Variants in CDK5RAP1 observed in about 807,000 individuals in gnomAD.
CDK5RAP1 encodes CDK5RAP1 mitochondrial tRNA methylthiotransferase.
CDK5RAP1 carries 62 observed loss-of-function variants against 64.5 expected under a neutral mutation model. That is an observed-to-expected ratio of 0.96 (90% CI 0.78 to 1.19). CDK5RAP1 has a LOEUF of 1.19. Ranked by LOEUF, CDK5RAP1 falls within the 50% of genes most tolerant of loss-of-function variation. The probability of loss-of-function intolerance (pLI) is 0.00; values close to 1 mark genes in which losing one functional copy is unlikely to be tolerated. For synonymous variants in CDK5RAP1, 250 were observed against 261.9 expected, an observed-to-expected ratio of 0.95 and a Z score of 0.44; for missense variants, 657 against 735.0, an observed-to-expected ratio of 0.89 and a Z score of 1.23.
intron 4 of CDK5RAP1, among the ~76,000 whole-genome samples, chr20:33,392,671 C>A (rs1206943787): frequency 6.6e-6 from 1 of 151,964 alleles, no homozygotes; most frequent in Admixed American, 6.6e-5. Flanking sequence ...CTATAATTTA[C>A]CTTTCCTAAA....
chr20:33,386,769 T>C (rs575960981), intron 6 of CDK5RAP1, among the ~76,000 whole-genome samples: 28 of 121,816 alleles, frequency 2.3e-4, no homozygotes, highest in African/African-American at 7.7e-4. Flanking sequence ...TTGACAAACT[T>C]TTCTGTAAAA....
chr20:33,361,558 G>A (rs377312164), intron 12 of CDK5RAP1, among the ~76,000 whole-genome samples: 10 of 152,160 alleles, frequency 6.6e-5, no homozygotes, highest in Non-Finnish European at 1.2e-4. Flanking sequence ...ATAAGTTCTT[G>A]GAGGGTGGAA....
chr20:33,384,690 C>T (rs1987190075), intron 7 of CDK5RAP1, among the ~76,000 whole-genome samples: 1 of 151,994 alleles, frequency 6.6e-6, no homozygotes, highest in Non-Finnish European at 1.5e-5. Flanking sequence ...TTACTTGATC[C>T]CAGGAGTTCT....
rs1454835648 is a variant in CDK5RAP1, at chr20:33,385,759, C to G, written c.767G>C (p.Arg256Pro). ...SATSAFVSIM[R>P]GCDNMCSYCI... ...GTAGCTACACATGTTGTCACAGCCT[C>G]GCATGATTGACCTGGAGAAGAAAGT... The change falls in exon 7 of 14, where the codon CGA becomes CCA. Residue 256 changes from arginine (R) to proline (P), a missense_variant. Coordinates refer to ENST00000346416, the MANE Select transcript of CDK5RAP1 (RefSeq NM_016408.4). 4.3e-6 allele frequency: 7 copies of G among 1,612,480 alleles called. No individual in the cohort carries two copies. The highest frequency in any genetic ancestry group is 5.9e-6 in the Non-Finnish European group (7 of 1,179,402).
intron 12 of CDK5RAP1, among the ~76,000 whole-genome samples, chr20:33,363,379 G>T (rs1372690055): frequency 2.0e-5 from 3 of 152,120 alleles, no homozygotes; most frequent in Non-Finnish European, 4.4e-5. Flanking sequence ...AGGATTAGAT[G>T]GTAGTAATCT....
chr20:33,382,635 C>T lies in CDK5RAP1; in HGVS notation c.877-2944G>A, dbSNP rs539444978. Among the ~76,000 whole-genome samples the T allele has an allele frequency of 7.2e-5, 11 of 152,078 alleles. No homozygotes were observed. In the South Asian group the frequency reaches 8.3e-4, roughly 11 times the overall value. On this transcript the variant is annotated intron_variant, in intron 7 of 13. Transcript: ENST00000346416. The stretch of plus-strand genomic sequence containing the variant: ...GGTGGAGGTTGCAGTGAGCTGAGAT[C>T]GTGCCATTGCACTCCAGCATGGGCA...
intron 12 of CDK5RAP1, 66 bp from the exon 13 acceptor site, chr20:33,360,557 T>A: frequency 6.9e-7 from 1 of 1,447,244 alleles, no homozygotes; most frequent in Non-Finnish European, 9.4e-7. Flanking sequence ...GGGTAGAAAC[T>A]GTGCCTTCTC....
chr20:33,371,179 G>C (rs1258439335), intron 10 of CDK5RAP1, among the ~76,000 whole-genome samples: 1 of 152,148 alleles, frequency 6.6e-6, no homozygotes, highest in Non-Finnish European at 1.5e-5. Context: ...TGTAGTCCCA[G>C]CTACTCAGGA....
Position 33,358,965 on chromosome 20 carries a change from T to C in CDK5RAP1, c.*78A>G, listed in dbSNP as rs1982404738. 2 of 1,050,062 alleles carry C rather than the reference T, an allele frequency of 1.9e-6. No individual in the cohort carries two copies. Among genetic ancestry groups the C allele is most frequent in the Non-Finnish European group, 2.9e-6 (2 of 682,114 alleles). The allele number at this position is 1,050,062 out of a possible 1,614,324, so 65.0% of individuals were successfully genotyped here. On this transcript the variant is annotated 3_prime_UTR_variant, in exon 14 of 14. Transcript: ENST00000346416. ...AGCTTATCTCCACCTTCATGACCTG[T>C]TTCCTCAGTGGCAGGCAATGTCTCC...
chr20:33,368,344 G>A (rs1448050900), intron 11 of CDK5RAP1, among the ~76,000 whole-genome samples: 1 of 151,820 alleles, frequency 6.6e-6, no homozygotes, highest in East Asian at 1.9e-4. Context: ...CCAAACCGGA[G>A]TGCAGTGGCA....
Position 33,374,113 on chromosome 20 carries a change from AC to A in CDK5RAP1, c.1205+1del, listed in dbSNP as rs965457526. The stretch of plus-strand genomic sequence containing the variant: ...GATGCCCCCTCTCCAAGCAAGCCTG[AC>A]CCCCTCCGCATGGCCTCCAACACAC... On this transcript the variant is annotated splice_donor_variant, in intron 9 of 13. Transcript: ENST00000346416. LOFTEE classifies it high-confidence loss of function. 1.9e-6 allele frequency: 3 copies of A among 1,608,294 alleles called. No individual in the cohort carries two copies. The highest frequency in any genetic ancestry group is 1.1e-5 in the South Asian group (1 of 90,908).
intron 1 of CDK5RAP1, 61 bp downstream of exon 1, chr20:33,401,367 C>T: frequency 1.0e-6 from 1 of 982,182 alleles, no homozygotes; most frequent in Non-Finnish European, 1.2e-6. Context: ...CGCGGCCCCT[C>T]CTGCCCCAGG....
intron 8 of CDK5RAP1, 113 bp downstream of exon 8, chr20:33,379,348 C>G: frequency 1.4e-6 from 1 of 704,640 alleles, no homozygotes; most frequent in East Asian, 2.6e-5. Context: ...GCAGCAATAC[C>G]CCACAGGATC....
chr20:33,400,613 A>G (rs1296826611), intron 1 of CDK5RAP1, among the ~76,000 whole-genome samples: 2 of 152,168 alleles, frequency 1.3e-5, no homozygotes, highest in Non-Finnish European at 2.9e-5. Context: ...CCTTTCACAG[A>G]GAGTATTAGA....
chr20:33,367,423 G>A (rs1984196358), intron 11 of CDK5RAP1, among the ~76,000 whole-genome samples: 1 of 152,190 alleles, frequency 6.6e-6, no homozygotes, highest in Admixed American at 6.5e-5. Flanking sequence ...GGAATATTGT[G>A]CGGCTGTTAA....
chr20:33,381,720 G>A (rs980556850), intron 7 of CDK5RAP1, among the ~76,000 whole-genome samples: 1 of 152,058 alleles, frequency 6.6e-6, no homozygotes, highest in African/African-American at 2.4e-5. Context: ...GAGCCACCAC[G>A]CCCAGCCCAA....
intron 8 of CDK5RAP1, among the ~76,000 whole-genome samples, chr20:33,378,468 C>T (rs1219686290): frequency 5.3e-5 from 8 of 152,018 alleles, no homozygotes; most frequent in Non-Finnish European, 1.2e-4. Flanking sequence ...GTGAAAATTA[C>T]CAAAATATGA....
At chr20:33,376,647 GT>G (rs936680320) in intron 8 of CDK5RAP1, among the ~76,000 whole-genome samples, 13 of 152,172 alleles carry the variant, frequency 8.5e-5, no homozygotes, top group African/African-American at 2.9e-4. Context: ...GGATCAAGGA[GT>G]AATTTCAACT....
At chr20:33,377,154 G>A (rs1449263724) in intron 8 of CDK5RAP1, among the ~76,000 whole-genome samples, 2 of 152,076 alleles carry the variant, frequency 1.3e-5, no homozygotes, top group Non-Finnish European at 1.5e-5. Flanking sequence ...TGGGCAATAC[G>A]GCAAGACCCC....
Sources: allele counts gnomAD v4.1 joint callset (sites outside exome capture counted in the v4.1 genomes callset), GRCh38; gene constraint gnomAD v4.1.1; transcripts MANE v1.5; gene names NCBI Gene and HGNC (gene_info 2026-07-23, HGNC 2026-07-21).